The following CD300A variants were observed in gnomAD, a reference collection of about 807,000 sequenced individuals.
The protein encoded by CD300A is CMRF35-like molecule 8.
Under a neutral mutation model 33.6 loss-of-function variants are expected in CD300A, and 22 were observed. The ratio of observed to expected loss-of-function variants is 0.66; its 90% CI spans 0.47 to 0.94. The LOEUF is 0.94. Ranked by LOEUF, CD300A falls within the 40% of genes least tolerant of loss-of-function variation. The pLI is 0.00. For synonymous variants in CD300A, 136 were observed against 148.1 expected (o/e 0.92, Z 0.59); for missense variants, 326 against 360.5 (o/e 0.90, Z 0.77).
At chr17:74,477,414 T>C (rs7209406) in intron 3 of CD300A, 22 bp from the exon 4 acceptor site, 776,479 of 1,589,486 alleles carry the variant, frequency 0.49, 203,051 homozygotes, top group African/African-American at 0.91. Flanking sequence ...GCCCCGCCCT[T>C]ACCATCCTGT....
In CD300A at chr17:74,480,038, T is replaced by A. The variant is rs1054479330; in HGVS notation, c.629-1251T>A. ...TCACTACCACCCTCCTTCCCGGGCG[T>A]TGAACTCCTGTCTCTTCCCCACCAG... On this transcript the variant is annotated intron_variant, in intron 4 of 6. Coordinates refer to ENST00000360141, the MANE Select transcript of CD300A (RefSeq NM_007261.4). This position sits in a 1 kb window ranked among gnomAD's most constrained non-coding sequence, Gnocchi z 4.2. Among the ~76,000 whole-genome samples, 15 of 152,116 alleles carry A rather than the reference T, an allele frequency of 9.9e-5. No homozygotes were observed. The highest frequency in any genetic ancestry group is 3.6e-4 in the African/African-American group (15 of 41,484).
At chr17:74,475,383 C>T (rs1342364216) in intron 3 of CD300A, among the ~76,000 whole-genome samples, 1 of 152,156 alleles carries the variant, frequency 6.6e-6, no homozygotes, top group East Asian at 1.9e-4. Context: ...CATCAATCCC[C>T]ATTTTACAGA....
chr17:74,479,577 T>C (rs1032397021), intron 4 of CD300A, among the ~76,000 whole-genome samples: 1 of 152,170 alleles, frequency 6.6e-6, no homozygotes, highest in Admixed American at 6.5e-5. Flanking sequence ...CTCATTCTCT[T>C]TTAAACCTAC....
chr17:74,475,028 G>A (rs958696357), intron 3 of CD300A, among the ~76,000 whole-genome samples: 7 of 152,080 alleles, frequency 4.6e-5, no homozygotes, highest in African/African-American at 9.7e-5. Flanking sequence ...GTCTGTTTTC[G>A]CACCGTTGAT....
intron 5 of CD300A, 60 bp downstream of exon 5, chr17:74,481,386 G>A: frequency 6.6e-7 from 1 of 1,523,920 alleles, no homozygotes; most frequent in African/African-American, 1.4e-5. Flanking sequence ...AGAGGCTGCT[G>A]GGGAGTTGGA....
At position 74,484,252 on chromosome 17, in the gene CD300A, G is replaced by A; in HGVS notation, c.*126G>A. 9.7e-7 allele frequency: 1 copy of A among 1,030,152 alleles called. No homozygotes were observed. Among genetic ancestry groups the A allele is most frequent in the Non-Finnish European group, 1.4e-6 (1 of 713,228 alleles). The allele number at this position is 1,030,152 out of a possible 1,614,324, so 63.8% of individuals were successfully genotyped here. On this transcript the variant is annotated 3_prime_UTR_variant, in exon 7 of 7. Transcript: ENST00000360141. ...AACAGTGACCAACAGACAGGCAGCT[G>A]GGTTTCCCAGGCCATCCCTCTGTTG...
chr17:74,466,832 C>A (rs77579255), intron 1 of CD300A, 89 bp downstream of exon 1: 2 of 1,547,032 alleles, frequency 1.3e-6, no homozygotes, highest in Admixed American at 2.0e-5. Flanking sequence ...CGAGACGCCC[C>A]GAGTCTGGAC....
At chr17:74,481,203 A>C in intron 4 of CD300A, 86 bp from the exon 5 acceptor site, 1 of 1,288,784 alleles carries the variant, frequency 7.8e-7, no homozygotes, top group Non-Finnish European at 1.1e-6. Flanking sequence ...TCTCTAGGGA[A>C]AGGCCTTTTC....
Position 74,484,352 on chromosome 17 carries a change from C to T in CD300A, c.*226C>T. On this transcript the variant is annotated 3_prime_UTR_variant, in exon 7 of 7. Coordinates refer to ENST00000360141, the MANE Select transcript of CD300A (RefSeq NM_007261.4). The stretch of plus-strand genomic sequence containing the variant: ...GAGAGCAGCAGGAAGCACTCCCAGC[C>T]ACCAGTGCCTGTCACCTCTTTCCCC... 2.2e-6 allele frequency: 1 copy of T among 447,150 alleles called. No individual in the cohort carries two copies. The highest frequency in any genetic ancestry group is 4.1e-6 in the Non-Finnish European group (1 of 243,544). 27.7% of individuals were successfully genotyped at this position (447,150 alleles called of 1,614,324 possible).
intron 5 of CD300A, 40 bp downstream of exon 5, chr17:74,481,366 C>T (rs1278279840): frequency 7.5e-6 from 12 of 1,598,274 alleles, no homozygotes; most frequent in Non-Finnish European, 1.0e-5. Context: ...GGTGGCTGGG[C>T]GGAGGGTACA....
At chr17:74,481,884 G>T in intron 6 of CD300A, 51 bp downstream of exon 6, 2 of 1,409,978 alleles carry the variant, frequency 1.4e-6, no homozygotes, top group South Asian at 1.2e-5. Context: ...GCTGTGCCAG[G>T]GCACCCCTGG....
At chr17:74,470,623 G>A (rs1906036351) in intron 1 of CD300A, among the ~76,000 whole-genome samples, 1 of 151,620 alleles carries the variant, frequency 6.6e-6, no homozygotes, top group Non-Finnish European at 1.5e-5. Context: ...CAGTGTCTTG[G>A]GTGAAGGAGG....
chr17:74,467,437 G>C (rs1905798869), intron 1 of CD300A, among the ~76,000 whole-genome samples: 1 of 152,156 alleles, frequency 6.6e-6, no homozygotes, highest in Admixed American at 6.5e-5. Flanking sequence ...AAAGGTGGTG[G>C]GGAGGGCGAG....
intron 3 of CD300A, among the ~76,000 whole-genome samples, chr17:74,477,007 G>A (rs1429298593): frequency 6.6e-6 from 1 of 151,848 alleles, no homozygotes; most frequent in Non-Finnish European, 1.5e-5. Context: ...GTAAATGGGG[G>A]GTGTGTAGAA....
At chr17:74,482,174 T>C (rs12941504) in intron 6 of CD300A, among the ~76,000 whole-genome samples, 38,710 of 150,844 alleles carry the variant, frequency 0.26, 5,434 homozygotes, top group East Asian at 0.49. Context: ...TTGACATCAA[T>C]TCTGCTTTCG....
At chr17:74,479,714 A>G (rs1598106839) in intron 4 of CD300A, among the ~76,000 whole-genome samples, 1 of 152,130 alleles carries the variant, frequency 6.6e-6, no homozygotes, top group East Asian at 1.9e-4. Context: ...AAGGCTTTCT[A>G]TTCAAACATT....
chr17:74,478,157 C>T (rs906733244), intron 4 of CD300A, among the ~76,000 whole-genome samples: 4 of 152,242 alleles, frequency 2.6e-5, no homozygotes, highest in African/African-American at 9.6e-5. Flanking sequence ...CCTGCCCCCT[C>T]TCCCCAGCTC....
intron 2 of CD300A, among the ~76,000 whole-genome samples, 175 bp from the exon 3 acceptor site, chr17:74,474,354 CTGT>C (rs1906322027): frequency 6.6e-6 from 1 of 152,194 alleles, no homozygotes; most frequent in South Asian, 2.1e-4. Context: ...CACCCGTGTC[CTGT>C]TCAGAAATGC....
intron 1 of CD300A, among the ~76,000 whole-genome samples, chr17:74,468,667 T>C (rs895823663): frequency 6.6e-6 from 1 of 152,086 alleles, no homozygotes; most frequent in African/African-American, 2.4e-5. Context: ...TTTTATTTAT[T>C]TTTTTGGAGA....
Sources: gnomAD v4.1 joint callset for allele counts (sites outside exome capture counted in the v4.1 genomes callset) on GRCh38, gnomAD v4.1.1 for gene constraint, Gnocchi (gnomAD v3.1) non-coding constraint, MANE v1.5 for transcripts, NCBI Gene and HGNC (gene_info 2026-07-23, HGNC 2026-07-21) for gene names.